The following MYO6 variants were observed in gnomAD, a reference collection of about 807,000 sequenced individuals.
The protein encoded by MYO6 is unconventional myosin-VI.
Under a neutral mutation model 178.7 loss-of-function variants are expected in MYO6, and 74 were observed. The observed-to-expected ratio is 0.41, with a 90% CI of 0.34 to 0.50. The LOEUF (loss-of-function observed/expected upper bound fraction) is 0.50, where lower values mean the gene tolerates loss of function less well. Among genes scored for constraint, MYO6 ranks in the 20% least tolerant of loss-of-function variants. The pLI is 0.09. For missense variants in MYO6, 1,330 were observed against 1,547.4 expected, an observed-to-expected ratio of 0.86 and a Z score of 2.36; for synonymous variants, 477 against 504.6, an observed-to-expected ratio of 0.95 and a Z score of 0.73.
rs1776944595 is a variant in MYO6, at chr6:75,869,221, C to T, written c.1945-1426C>T. ...TTCAGATTGATTACGGTTGTCAGAA[C>T]TCTGTCAGTGAGATAAGTGGGATAC... On this transcript the variant is annotated intron_variant, in intron 18 of 34. Coordinates refer to ENST00000369977, the MANE Select transcript of MYO6 (RefSeq NM_004999.4). Among the ~76,000 whole-genome samples, 3 of 152,114 alleles carry T rather than the reference C, an allele frequency of 2.0e-5. No individual in the cohort carries two copies. In the South Asian group the frequency reaches 6.2e-4, roughly 32 times the overall value.
chr6:75,899,818 C>G (rs1177192809), intron 30 of MYO6, among the ~76,000 whole-genome samples: 1 of 149,932 alleles, frequency 6.7e-6, no homozygotes, highest in Non-Finnish European at 1.5e-5. Context: ...ATGTGCCATG[C>G]TGGTGCGCTG....
At chr6:75,751,155 G>A (rs988694514) in intron 1 of MYO6, among the ~76,000 whole-genome samples, 5 of 152,184 alleles carry the variant, frequency 3.3e-5, no homozygotes, top group Non-Finnish European at 5.9e-5. Context: ...CCATGCTGCC[G>A]TTCAAAATAG....
intron 1 of MYO6, among the ~76,000 whole-genome samples, chr6:75,752,961 ATAAT>A (rs1197124778): frequency 6.6e-6 from 1 of 152,242 alleles, no homozygotes; most frequent in African/African-American, 2.4e-5. Context: ...TAAATATTAC[ATAAT>A]TAATTCTCTA....
At chr6:75,889,934 A>G in intron 25 of MYO6, 123 bp from the exon 26 acceptor site, 1 of 795,236 alleles carries the variant, frequency 1.3e-6, no homozygotes, top group Non-Finnish European at 2.0e-6. Flanking sequence ...AAAAAACAAT[A>G]AAAACATTAA....
At chr6:75,810,446 T>C (rs114365370) in intron 1 of MYO6, among the ~76,000 whole-genome samples, 2,552 of 152,322 alleles carry the variant, frequency 0.017, 71 homozygotes, top group African/African-American at 0.059. Flanking sequence ...AGAATCTGTT[T>C]TGTCAGTCTT....
intron 14 of MYO6, among the ~76,000 whole-genome samples, chr6:75,859,580 G>C (rs934411438): frequency 6.6e-6 from 1 of 151,566 alleles, no homozygotes; most frequent in African/African-American, 2.4e-5. Context: ...GCTTACAGGC[G>C]TGAGCCACCG....
chr6:75,892,009 C>T (rs886087056), intron 27 of MYO6, among the ~76,000 whole-genome samples: 11 of 152,114 alleles, frequency 7.2e-5, no homozygotes, highest in African/African-American at 2.7e-4. Flanking sequence ...TGAAAATTCA[C>T]TTAAAATGTT....
chr6:75,903,483 G>A (rs1204319678), intron 30 of MYO6, among the ~76,000 whole-genome samples: 1 of 151,480 alleles, frequency 6.6e-6, no homozygotes, highest in Non-Finnish European at 1.5e-5. Flanking sequence ...TTATGTAATG[G>A]CCTTCTTTGT....
intron 1 of MYO6, among the ~76,000 whole-genome samples, chr6:75,790,285 A>G (rs184904182): frequency 1.1e-3 from 164 of 152,332 alleles, no homozygotes; most frequent in African/African-American, 3.8e-3. Context: ...ATTGTTTACA[A>G]TACTTAAATG....
chr6:75,867,013 C>T lies in MYO6; in HGVS notation c.1852C>T (p.Arg618Trp), dbSNP rs755596824. 15 of 1,613,176 alleles carry T rather than the reference C, an allele frequency of 9.3e-6. No individual in the cohort carries two copies. The highest frequency in any genetic ancestry group is 6.7e-5 in the East Asian group (3 of 44,840). Residue 618 changes from arginine (R) to tryptophan (W), a missense_variant, in exon 18 of 35, where the codon CGG (arginine) becomes TGG (tryptophan). Coordinates refer to ENST00000369977, the MANE Select transcript of MYO6 (RefSeq NM_004999.4). The stretch of plus-strand genomic sequence containing the variant: ...ATGTGAATCCAGAGATAAGTTTATA[C>T]GGGAATTATTTGAATCATCCACAAA... ...LICESRDKFI[R>W]ELFESSTNNN...
intron 1 of MYO6, among the ~76,000 whole-genome samples, chr6:75,758,640 A>T (rs1777683224): frequency 6.6e-6 from 1 of 151,760 alleles, no homozygotes; most frequent in African/African-American, 2.4e-5. Context: ...TTTCTTATTT[A>T]GTAGAGATGG....
intron 11 of MYO6, among the ~76,000 whole-genome samples, chr6:75,850,750 T>G (rs1775185097): frequency 6.6e-6 from 1 of 152,206 alleles, no homozygotes; most frequent in African/African-American, 2.4e-5. Flanking sequence ...CTGAAGATAA[T>G]AGTACCTACC....
At chr6:75,817,724 A>C in intron 2 of MYO6, 60 bp downstream of exon 2, 1 of 1,423,428 alleles carries the variant, frequency 7.0e-7, no homozygotes, top group South Asian at 1.2e-5. Context: ...GTTTTTTTTC[A>C]CAAGAGTAAG....
At chr6:75,911,050 G>C (rs1229821620) in intron 32 of MYO6, among the ~76,000 whole-genome samples, 1 of 152,006 alleles carries the variant, frequency 6.6e-6, no homozygotes, top group Non-Finnish European at 1.5e-5. Context: ...TCCTGGATGA[G>C]CATACTTTCA....
intron 32 of MYO6, among the ~76,000 whole-genome samples, chr6:75,909,144 C>A (rs1165616443): frequency 1.3e-5 from 2 of 152,222 alleles, no homozygotes; most frequent in Non-Finnish European, 2.9e-5. Flanking sequence ...CCTGCCTTGG[C>A]CTTCCAAAGT....
chr6:75,833,533 A>G (rs1773338187), intron 6 of MYO6, among the ~76,000 whole-genome samples: 1 of 152,160 alleles, frequency 6.6e-6, no homozygotes, highest in Non-Finnish European at 1.5e-5. Flanking sequence ...TACTTTAGCT[A>G]TTTCTCATGT....
chr6:75,766,686 A>T (rs1778448126), intron 1 of MYO6, among the ~76,000 whole-genome samples: 1 of 152,236 alleles, frequency 6.6e-6, no homozygotes, highest in African/African-American at 2.4e-5. Context: ...TTTTTCCAGC[A>T]TGATGAACAC....
At chr6:75,885,955 G>T (rs186192647) in intron 23 of MYO6, 49 bp from the exon 24 acceptor site, 1 of 1,149,106 alleles carries the variant, frequency 8.7e-7, no homozygotes, top group African/African-American at 1.6e-5. Context: ...ATATATGTTA[G>T]ATTTAAACTG....
intron 22 of MYO6, 133 bp from the exon 23 acceptor site, chr6:75,881,556 A>C: frequency 2.4e-6 from 2 of 825,686 alleles, no homozygotes; most frequent in Non-Finnish European, 3.9e-6. Context: ...ATTCTCTGCC[A>C]AGGCCTATGT....
Sources: allele counts gnomAD v4.1 joint callset (sites outside exome capture counted in the v4.1 genomes callset), GRCh38; gene constraint gnomAD v4.1.1; transcripts MANE v1.5; gene names NCBI Gene and HGNC (gene_info 2026-07-23, HGNC 2026-07-21).